Variants in SLC6A13 observed in about 807,000 individuals in gnomAD.
The protein encoded by SLC6A13 is solute carrier family 6 member 13.
SLC6A13 carries 69 observed loss-of-function variants against 72.9 expected under a neutral mutation model. That is an observed-to-expected ratio of 0.95 (90% CI 0.78 to 1.16). The LOEUF is 1.16. SLC6A13 is among the 50% of genes most tolerant of loss of function. The probability of loss-of-function intolerance (pLI) is 0.00; values close to 1 mark genes in which losing one functional copy is unlikely to be tolerated. For synonymous variants in SLC6A13, 303 were observed against 303.0 expected, an observed-to-expected ratio of 1.00 and a Z score of 0.00; for missense variants, 735 against 760.5, an observed-to-expected ratio of 0.97 and a Z score of 0.39.
chr12:225,387 T>C (rs1941404267), intron 9 of SLC6A13, among the ~76,000 whole-genome samples: 2 of 152,220 alleles, frequency 1.3e-5, no homozygotes, highest in African/African-American at 4.8e-5. Flanking sequence ...TGGCGGCTTA[T>C]GCCTATAATC....
At chr12:251,075 G>C (rs1942526818) in intron 2 of SLC6A13, among the ~76,000 whole-genome samples, 1 of 151,092 alleles carries the variant, frequency 6.6e-6, no homozygotes, top group Admixed American at 6.6e-5. Flanking sequence ...AGAATTGCGT[G>C]AACCCGGGAG....
At position 223,606 on chromosome 12, in the gene SLC6A13, T is replaced by C. The variant is rs543828233; in HGVS notation, c.1312-372A>G. On this transcript the variant is annotated intron_variant, in intron 11 of 14. Coordinates refer to ENST00000343164, the MANE Select transcript of SLC6A13 (RefSeq NM_016615.5). The stretch of plus-strand genomic sequence containing the variant: ...AAGCTCCGTCTCCCTCCTTCTCCCT[T>C]GAGATGCCACAGAATGTCACCCAGC... 196 of 323,058 alleles carry C rather than the reference T, an allele frequency of 6.1e-4. 1 individual carries two copies. The highest frequency in any genetic ancestry group is 9.3e-4 in the Non-Finnish European group (160 of 172,070). 20.0% of individuals were successfully genotyped at this position (323,058 alleles called of 1,614,324 possible).
At chr12:233,993 G>C (rs1455986220) in intron 7 of SLC6A13, among the ~76,000 whole-genome samples, 1 of 152,070 alleles carries the variant, frequency 6.6e-6, no homozygotes, top group Non-Finnish European at 1.5e-5. Context: ...CACCTCACAA[G>C]ATACCAGTCA....
intron 4 of SLC6A13, among the ~76,000 whole-genome samples, chr12:240,290 A>G (rs1942117315): frequency 6.6e-6 from 1 of 152,064 alleles, no homozygotes; most frequent in South Asian, 2.1e-4. Context: ...TGCAACCTCC[A>G]CCTCCCAGGC....
rs1190970285 is a variant in SLC6A13 at position 221,506 on chromosome 12, G to A, written c.1556C>T (p.Thr519Ile). ...CGGGTACGTGTACTTCTTGTTGTAG[G>A]TCAGCGGAGTGTACTTTATCAGGGA... is the stretch of plus-strand genomic sequence containing the variant. Reference protein sequence around the residue: ...LFSLIKYTPLTYNKKYTYPWW... With the variant: ...LFSLIKYTPLIYNKKYTYPWW... The change falls in exon 14 of 15, where the codon ACC (threonine) becomes ATC (isoleucine). Residue 519 changes from threonine to isoleucine, a missense_variant. Transcript: ENST00000343164. 2 of 1,612,436 alleles carry A rather than the reference G, an allele frequency of 1.2e-6. No individual in the cohort carries two copies. The highest frequency in any genetic ancestry group is 1.7e-5 in the Admixed American group (1 of 59,800).
At chr12:237,042 G>A (rs537772532) in intron 6 of SLC6A13, 116 bp downstream of exon 6, 207 of 1,142,250 alleles carry the variant, frequency 1.8e-4, no homozygotes, top group African/African-American at 3.4e-4. Context: ...TCAAATCCTC[G>A]CTGGGTCATC....
chr12:237,335 T>A, intron 5 of SLC6A13, 45 bp from the exon 6 acceptor site: 1 of 1,608,126 alleles, frequency 6.2e-7, no homozygotes, highest in Non-Finnish European at 8.5e-7. Flanking sequence ...TCTGCCAGCC[T>A]CAGTTTTGTG....
chr12:237,158 C>T lies in SLC6A13; in HGVS notation c.696G>A (p.Lys232=), dbSNP rs1269702824. ...AGGGGCAGGAGCTCCCCACACGAAC[C>T]TTGCCTGTGGACTTCACCCCCTTCC... ...CIWKGVKSTG[K]VVYFTATFPY... Residue 232 remains lysine (K), a splice_region_variant and synonymous_variant, in exon 6 of 15, where the codon AAG becomes AAA. Transcript: ENST00000343164. The T allele has an allele frequency of 2.9e-5, 47 of 1,613,886 alleles. No homozygotes were observed. The highest frequency in any genetic ancestry group is 3.5e-5 in the Non-Finnish European group (41 of 1,179,948).
At position 238,007 on chromosome 12, in the gene SLC6A13, T is replaced by G. The variant is rs1222361291; in HGVS notation, c.482A>C (p.His161Pro). ...GTTGGTCTTCTGGAACTCCATACAG[T>G]GTTCTACCCATGGGTCACGAGGAGG... ...GGCYHEWNTE[H>P]CMEFQKTNGS... Residue 161 changes from histidine to proline, a missense_variant, in exon 5 of 15, where the codon CAC (histidine) becomes CCC (proline). Transcript: ENST00000343164. 6.2e-7 allele frequency: 1 copy of G among 1,613,212 alleles called. No homozygotes were observed. The highest frequency in any genetic ancestry group is 8.5e-7 in the Non-Finnish European group (1 of 1,179,300).
At chr12:262,640 A>G in intron 1 of SLC6A13, 149 bp downstream of exon 1, 2 of 973,284 alleles carry the variant, frequency 2.1e-6, no homozygotes, top group Non-Finnish European at 2.4e-6. Flanking sequence ...AATAGCACAT[A>G]ATCTTTGCAT....
rs1941170438 is a variant in SLC6A13 at position 220,804 on chromosome 12, C to T, written c.*144G>A. The T allele has an allele frequency of 3.0e-6, 3 of 987,146 alleles. No individual in the cohort carries two copies. The highest frequency in any genetic ancestry group is 3.3e-5 in the African/African-American group (2 of 61,424). 61.1% of individuals were successfully genotyped at this position (987,146 alleles called of 1,614,324 possible). On this transcript the variant is annotated 3_prime_UTR_variant, in exon 15 of 15. Coordinates refer to ENST00000343164, the MANE Select transcript of SLC6A13 (RefSeq NM_016615.5). ...AAAAGTTGCAGTGGGAGGCCTCCAG[C>T]TCAGCAGGTGGACTCCAAAATACCC...
At position 237,289 on chromosome 12, in the gene SLC6A13, G is replaced by T; in HGVS notation, c.565C>A (p.Arg189=). The T allele has an allele frequency of 6.2e-7, 1 of 1,614,082 alleles. No individual in the cohort carries two copies. The highest frequency in any genetic ancestry group is 2.2e-5 in the East Asian group (1 of 44,884). ...CCATCAGAGATCTTCAAGACCCGCC[G>T]CCTGGGGAGAGAAGGGTTGAACCTG... ...ATSPVIEFWE[R]RVLKISDGIQ... is the part of the protein sequence containing the mutation. Residue 189 remains arginine, a splice_region_variant and synonymous_variant, in exon 6 of 15, where the codon CGG becomes AGG. Transcript: ENST00000343164.
At chr12:225,323 C>T (rs376700666) in intron 9 of SLC6A13, among the ~76,000 whole-genome samples, 5 of 152,200 alleles carry the variant, frequency 3.3e-5, no homozygotes, top group Non-Finnish European at 7.3e-5. Context: ...TAGAGTGCCT[C>T]GCCCAGCACC....
At chr12:253,320 G>C (rs975677361) in intron 2 of SLC6A13, 1 of 152,264 alleles carries the variant, frequency 6.6e-6, no homozygotes, top group Non-Finnish European at 1.5e-5. Context: ...TCCATGAGGA[G>C]TTATGTGCTG....
At chr12:241,641 A>C (rs1354639461) in intron 4 of SLC6A13, among the ~76,000 whole-genome samples, 2 of 152,278 alleles carry the variant, frequency 1.3e-5, no homozygotes, top group Non-Finnish European at 2.9e-5. Flanking sequence ...AGGTAAATAA[A>C]TAAATAACCA....
At chr12:248,220 C>T (rs1372193806) in intron 2 of SLC6A13, among the ~76,000 whole-genome samples, 1 of 151,706 alleles carries the variant, frequency 6.6e-6, no homozygotes, top group Non-Finnish European at 1.5e-5. Context: ...CTATATGCTG[C>T]CTTAAGAAAA....
chr12:244,383 GTGTT>G (rs1942277159), intron 2 of SLC6A13, among the ~76,000 whole-genome samples: 1 of 152,176 alleles, frequency 6.6e-6, no homozygotes, highest in African/African-American at 2.4e-5. Flanking sequence ...CTGTGAGACT[GTGTT>G]TGTTATAAAA....
At chr12:248,128 C>T (rs1472541124) in intron 2 of SLC6A13, among the ~76,000 whole-genome samples, 7 of 151,996 alleles carry the variant, frequency 4.6e-5, no homozygotes, top group African/African-American at 1.2e-4. Context: ...CATGGATAAT[C>T]GTATTAAATG....
At chr12:238,428 C>T (rs953287736) in intron 4 of SLC6A13, 87 of 866,530 alleles carry the variant, frequency 1.0e-4, no homozygotes, top group Non-Finnish European at 1.3e-4. Flanking sequence ...GCTGACCCCA[C>T]GGGTATGAAC....
Sources: gnomAD v4.1 joint callset for allele counts (sites outside exome capture counted in the v4.1 genomes callset) on GRCh38, gnomAD v4.1.1 for gene constraint, MANE v1.5 for transcripts, NCBI Gene and HGNC (gene_info 2026-07-23, HGNC 2026-07-21) for gene names.